Variants in NRG1 observed in about 807,000 individuals in gnomAD.
NRG1 encodes the protein neuregulin 1.
A neutral mutation model predicts 63.8 loss-of-function variants in NRG1; 18 were observed. The observed-to-expected ratio is 0.28, with a 90% confidence interval of 0.19 to 0.42. The LOEUF (loss-of-function observed/expected upper bound fraction) is 0.42. NRG1 is among the 10% of genes least tolerant of loss of function. The pLI, the probability that NRG1 is intolerant of heterozygous loss-of-function variation, is 1.00. For synonymous variants in NRG1, 302 were observed against 301.3 expected (o/e 1.00, Z -0.02); for missense variants, 762 against 814.7 (o/e 0.94, Z 0.79).
intron 1 of NRG1, among the ~76,000 whole-genome samples, chr8:32,344,334 C>CTTTCTTTCTTTCTT (rs1804478754): frequency 3.2e-5 from 2 of 62,938 alleles, no homozygotes; most frequent in Non-Finnish European, 6.6e-5. Flanking sequence ...CTCTTTCTTT[C>CTTTCTTTCTTTCTT]TTTCTTTCTT....
At chr8:32,595,555 C>T (rs1055739617) in intron 1 of NRG1, among the ~76,000 whole-genome samples, 2 of 152,116 alleles carry the variant, frequency 1.3e-5, no homozygotes, top group East Asian at 1.9e-4. Context: ...TTCTTAATGG[C>T]ATCAGAGAAT....
At chr8:31,738,532 A>G (rs1212302633) in intron 1 of NRG1, among the ~76,000 whole-genome samples, 2 of 152,112 alleles carry the variant, frequency 1.3e-5, no homozygotes, top group African/African-American at 4.8e-5. Context: ...TTATCATACC[A>G]TTATTAGGCC....
intron 1 of NRG1, among the ~76,000 whole-genome samples, chr8:32,062,699 C>T (rs1824088870): frequency 6.6e-6 from 1 of 151,928 alleles, no homozygotes. Context: ...TAAATGATTC[C>T]TTCAGATTAT....
In NRG1 at chr8:32,250,552, C is replaced by A. The variant is rs975936672; in HGVS notation, c.38-345276C>A. 6.2e-5 allele frequency among the ~76,000 whole-genome samples: 5 copies of A among 81,186 alleles called. No homozygotes were observed. In the Admixed American group the frequency reaches 8.1e-4, roughly 13 times the overall value. 53.3% of individuals were successfully genotyped at this position (81,186 alleles called of 152,430 possible). ...TAGTCTATTCCCAGCTGTTCTATTT[C>A]ATTTTTTTATAGCTTATAGTGACTC... is the stretch of plus-strand genomic sequence containing the variant. On this transcript the variant is annotated intron_variant, in intron 1 of 10. Transcript: ENST00000519301.
chr8:32,487,847 C>A (rs1386377321), intron 1 of NRG1, among the ~76,000 whole-genome samples: 1 of 152,166 alleles, frequency 6.6e-6, no homozygotes, highest in African/African-American at 2.4e-5. Flanking sequence ...GGAGTCAGAA[C>A]TAAGAATGCT....
chr8:32,519,075 T>C (rs543821205), intron 1 of NRG1, among the ~76,000 whole-genome samples: 2 of 152,222 alleles, frequency 1.3e-5, no homozygotes, highest in South Asian at 4.1e-4. Context: ...TTTCTTAGGG[T>C]TAGAATTTTT....
intron 5 of NRG1, among the ~76,000 whole-genome samples, chr8:32,641,248 A>G (rs1041711699): frequency 6.6e-6 from 1 of 151,956 alleles, no homozygotes; most frequent in Non-Finnish European, 1.5e-5. Context: ...CATATTGCCT[A>G]TTGATACTTT....
At chr8:31,796,074 A>T (rs890903650) in intron 1 of NRG1, among the ~76,000 whole-genome samples, 2 of 152,234 alleles carry the variant, frequency 1.3e-5, no homozygotes, top group Non-Finnish European at 2.9e-5. Context: ...TGCAAAAAAA[A>T]TTTTGAATAA....
intron 1 of NRG1, among the ~76,000 whole-genome samples, chr8:31,857,158 C>G (rs1233521267): frequency 2.0e-5 from 3 of 152,240 alleles, no homozygotes; most frequent in African/African-American, 4.8e-5. Flanking sequence ...CAGCTTCCCC[C>G]CTGCTTTGTT....
At chr8:32,340,244 T>TACAC (rs1190841007) in intron 1 of NRG1, among the ~76,000 whole-genome samples, 1 of 152,164 alleles carries the variant, frequency 6.6e-6, no homozygotes, top group African/African-American at 2.4e-5. Flanking sequence ...TATGCATACA[T>TACAC]ACACACACAC....
At chr8:32,648,040 C>G in intron 5 of NRG1, 1 of 1,614,142 alleles carries the variant, frequency 6.2e-7, no homozygotes, top group Non-Finnish European at 8.5e-7. Flanking sequence ...GAATATGACT[C>G]TCCTACTCAC....
intron 5 of NRG1, among the ~76,000 whole-genome samples, chr8:32,653,526 G>A (rs2129547927): frequency 6.6e-6 from 1 of 152,164 alleles, no homozygotes. Context: ...TCACCATATG[G>A]CACTATCTAA....
At chr8:32,727,825 C>T (rs1443810057) in intron 5 of NRG1, 124 bp from the exon 6 acceptor site, 1 of 880,344 alleles carries the variant, frequency 1.1e-6, no homozygotes, top group African/African-American at 1.7e-5. Context: ...TTTGTAAGGT[C>T]TGCAAGTTTA....
At chr8:32,537,999 G>A (rs1469521939) in intron 1 of NRG1, among the ~76,000 whole-genome samples, 5 of 152,106 alleles carry the variant, frequency 3.3e-5, no homozygotes, top group African/African-American at 1.2e-4. Flanking sequence ...TAACAAGCAC[G>A]CGCCACCATG....
intron 1 of NRG1, among the ~76,000 whole-genome samples, chr8:32,197,062 C>T (rs1230195634): frequency 2.1e-5 from 3 of 144,376 alleles, no homozygotes; most frequent in African/African-American, 2.5e-5. Flanking sequence ...CGGGTTCAAA[C>T]GATTCTCCTG....
intron 1 of NRG1, among the ~76,000 whole-genome samples, chr8:32,399,490 A>C (rs1458576521): frequency 6.6e-6 from 1 of 152,198 alleles, no homozygotes; most frequent in Non-Finnish European, 1.5e-5. Flanking sequence ...AGATCACCTG[A>C]GGTCAGGAGT....
chr8:31,796,275 T>C, intron 1 of NRG1, among the ~76,000 whole-genome samples: 1 of 151,952 alleles, frequency 6.6e-6, no homozygotes, highest in South Asian at 2.1e-4. Context: ...CTTTTTATTC[T>C]GTTTTACTCA....
At chr8:31,736,237 C>G (rs1211939571) in intron 1 of NRG1, among the ~76,000 whole-genome samples, 1 of 152,182 alleles carries the variant, frequency 6.6e-6, no homozygotes, top group African/African-American at 2.4e-5. Flanking sequence ...CTTGCACTAA[C>G]TGCTTCCAGT....
At chr8:32,526,815 C>A (rs987866452) in intron 1 of NRG1, among the ~76,000 whole-genome samples, 5 of 152,142 alleles carry the variant, frequency 3.3e-5, no homozygotes, top group Non-Finnish European at 7.4e-5. Flanking sequence ...TGTCTTTTCC[C>A]TTCATCTCTT....
Sources: gnomAD v4.1 joint callset for allele counts (sites outside exome capture counted in the v4.1 genomes callset) on GRCh38, gnomAD v4.1.1 for gene constraint, MANE v1.5 for transcripts, NCBI Gene and HGNC (gene_info 2026-07-23, HGNC 2026-07-21) for gene names.